SBSPON: variants seen among roughly 807,000 people sequenced by gnomAD.
SBSPON encodes somatomedin-B and thrombospondin type-1 domain-containing protein.
Under a neutral mutation model 35.8 loss-of-function variants are expected in SBSPON, and 30 were observed. The observed-to-expected ratio is 0.84, with a 90% CI of 0.63 to 1.14. The LOEUF (loss-of-function observed/expected upper bound fraction) is 1.14, where lower values mean the gene tolerates loss of function less well. Among genes scored for constraint, SBSPON ranks in the 50% most tolerant of loss-of-function variants. The probability of loss-of-function intolerance (pLI) is 0.00; values close to 1 mark genes in which losing one functional copy is unlikely to be tolerated. For synonymous variants in SBSPON, 136 were observed against 135.9 expected, an observed-to-expected ratio of 1.00 and a Z score of 0.00; for missense variants, 364 against 357.7, an observed-to-expected ratio of 1.02 and a Z score of -0.14.
At chr8:73,090,849 A>G (rs11992993) in intron 1 of SBSPON, among the ~76,000 whole-genome samples, 59,109 of 152,088 alleles carry the variant, frequency 0.39, 13,998 homozygotes, top group African/African-American at 0.67. Context: ...ACAGCAGGCC[A>G]TGTCACCGCT....
At position 73,069,910 on chromosome 8, in the gene SBSPON, CATCT is replaced by C; in HGVS notation, c.568_571del (p.Arg190GlyfsTer20). On this transcript the variant is annotated frameshift_variant, in exon 4 of 5. Coordinates refer to ENST00000297354, the MANE Select transcript of SBSPON (RefSeq NM_153225.4). LOFTEE classifies it high-confidence loss of function. ...GTATCCCTCTCGGAGATACTGCATC[CATCT>C]AGTCAAGGGCCAGTTTTCCAGAGCA... 6.2e-7 allele frequency: 1 copy of C among 1,612,664 alleles called. No individual in the cohort carries two copies. The highest frequency in any genetic ancestry group is 8.5e-7 in the Non-Finnish European group (1 of 1,178,798).
At chr8:73,067,849 AT>A (rs879359979) in intron 4 of SBSPON, among the ~76,000 whole-genome samples, 9 of 144,292 alleles carry the variant, frequency 6.2e-5, no homozygotes, top group South Asian at 4.5e-4. Context: ...CGGTTCCCCA[AT>A]TTTTTTTTTA....
At chr8:73,075,997 G>A (rs889977367) in intron 2 of SBSPON, among the ~76,000 whole-genome samples, 1 of 152,060 alleles carries the variant, frequency 6.6e-6, no homozygotes, top group Admixed American at 6.6e-5. Context: ...AGAGCTTCAG[G>A]GATCATGTTT....
At chr8:73,087,081 G>T (rs373757936) in intron 1 of SBSPON, among the ~76,000 whole-genome samples, 12 of 152,190 alleles carry the variant, frequency 7.9e-5, no homozygotes, top group African/African-American at 2.9e-4. Context: ...CCCTCGAGGA[G>T]CCCTGAGTAG....
chr8:73,070,834 A>G (rs777052663), intron 3 of SBSPON, among the ~76,000 whole-genome samples: 5 of 152,210 alleles, frequency 3.3e-5, no homozygotes, highest in Non-Finnish European at 5.9e-5. Context: ...TTACCCATAC[A>G]ATTATGAGTT....
chr8:73,092,486 C>T (rs1412118691), intron 1 of SBSPON, among the ~76,000 whole-genome samples: 3 of 152,224 alleles, frequency 2.0e-5, no homozygotes, highest in Non-Finnish European at 4.4e-5. Context: ...GGCCCAGGGG[C>T]ATGCCCCTTA....
At chr8:73,082,764 C>T (rs1810734199) in intron 1 of SBSPON, among the ~76,000 whole-genome samples, 1 of 152,102 alleles carries the variant, frequency 6.6e-6, no homozygotes, top group Non-Finnish European at 1.5e-5. Context: ...CCCATCAAAC[C>T]AAAAAGCATT....
chr8:73,073,179 A>C (rs1425877106), intron 2 of SBSPON, among the ~76,000 whole-genome samples: 2 of 152,240 alleles, frequency 1.3e-5, no homozygotes, highest in African/African-American at 2.4e-5. Flanking sequence ...TGAATGAATG[A>C]GGTCATGGGC....
chr8:73,069,669 GTCC>G (rs1353925828), intron 4 of SBSPON, 133 bp downstream of exon 4: 1 of 709,012 alleles, frequency 1.4e-6, no homozygotes, highest in Non-Finnish European at 2.4e-6. Flanking sequence ...CCAGAGGATG[GTCC>G]TCCTCACCTA....
chr8:73,086,036 A>G (rs1206960447), intron 1 of SBSPON, among the ~76,000 whole-genome samples: 1 of 152,214 alleles, frequency 6.6e-6, no homozygotes, highest in Non-Finnish European at 1.5e-5. Flanking sequence ...CCACAGCAGT[A>G]CCCATTTATG....
Position 73,092,923 on chromosome 8 carries a change from T to TC in SBSPON, c.144dup (p.Thr49AspfsTer125), listed in dbSNP as rs766409451. On this transcript the variant is annotated frameshift_variant, in exon 1 of 5. Coordinates refer to ENST00000297354, the MANE Select transcript of SBSPON (RefSeq NM_153225.4). LOFTEE classifies it high-confidence loss of function. ...CGACAGGCTTGGTCGCAGAAACACG[T>TC]CCCGTAGACCCTGTCCAGCCTCCAG... 9.3e-6 allele frequency: 15 copies of TC among 1,610,988 alleles called. No homozygotes were observed. Among genetic ancestry groups the TC allele is most frequent in the Non-Finnish European group, 1.3e-5 (15 of 1,179,232 alleles).
chr8:73,080,081 C>A (rs886572248), intron 2 of SBSPON, among the ~76,000 whole-genome samples: 1 of 152,098 alleles, frequency 6.6e-6, no homozygotes, highest in Non-Finnish European at 1.5e-5. Flanking sequence ...TCTCTGTGAG[C>A]CTTGTATGGT....
At position 73,083,074 on chromosome 8, in the gene SBSPON, C is replaced by G. The variant is rs1346406530; in HGVS notation, c.215-1861G>C. On this transcript the variant is annotated intron_variant, in intron 1 of 4. Transcript: ENST00000297354. ...CACTGGGGAGGGTTTTCTGACTGAA[C>G]TTAGCCTCCCAGGATTCCATCGTCA... 2.0e-5 allele frequency among the ~76,000 whole-genome samples: 3 copies of G among 152,270 alleles called. No individual in the cohort carries two copies. In the South Asian group the frequency reaches 6.2e-4, roughly 32 times the overall value.
In SBSPON at chr8:73,092,854, C is replaced by T. The variant is rs1241996921; in HGVS notation, c.214G>A (p.Ala72Thr). The T allele has an allele frequency of 6.2e-7, 1 of 1,609,830 alleles. No individual in the cohort carries two copies. Among genetic ancestry groups the T allele is most frequent in the East Asian group, 2.2e-5 (1 of 44,558 alleles). The stretch of plus-strand genomic sequence containing the variant: ...CCCCACTCTCGGCCTGACCACCCAC[C>T]TGGGCACGCCCTGTCGTAGTCGAAG... ...CCFDYDRACP[A>T]RPCFVGEWSP... Residue 72 changes from alanine to threonine, a missense_variant and splice_region_variant, in exon 1 of 5, where the codon GCT (alanine) becomes ACT (threonine). By Grantham distance (58) the Ala-to-Thr change is moderately conservative (BLOSUM62 0). Transcript: ENST00000297354.
chr8:73,091,205 C>A (rs148949142), intron 1 of SBSPON, among the ~76,000 whole-genome samples: 1 of 152,326 alleles, frequency 6.6e-6, no homozygotes, highest in Non-Finnish European at 1.5e-5. Flanking sequence ...CTACAGCCTG[C>A]CTCTCTCTCC....
At chr8:73,075,178 C>A (rs1034289726) in intron 2 of SBSPON, among the ~76,000 whole-genome samples, 3 of 152,146 alleles carry the variant, frequency 2.0e-5, no homozygotes, top group African/African-American at 4.8e-5. Flanking sequence ...CTTGGCCCAT[C>A]TGTTTTTCAG....
chr8:73,091,597 C>A (rs979818069), intron 1 of SBSPON, among the ~76,000 whole-genome samples: 2 of 152,134 alleles, frequency 1.3e-5, no homozygotes, highest in African/African-American at 4.8e-5. Context: ...GCTGGAGTTA[C>A]CTGGCTCAAG....
At chr8:73,086,465 A>G (rs906791612) in intron 1 of SBSPON, among the ~76,000 whole-genome samples, 4 of 152,018 alleles carry the variant, frequency 2.6e-5, no homozygotes, top group African/African-American at 4.8e-5. Flanking sequence ...CCCGGCCATC[A>G]TCTTCCTTTC....
intron 2 of SBSPON, among the ~76,000 whole-genome samples, chr8:73,076,024 G>A (rs959098127): frequency 6.6e-6 from 1 of 152,086 alleles, no homozygotes; most frequent in Non-Finnish European, 1.5e-5. Context: ...CTAGCTTCAC[G>A]GGCATTTATA....
Sources: allele counts gnomAD v4.1 joint callset (sites outside exome capture counted in the v4.1 genomes callset), GRCh38; gene constraint gnomAD v4.1.1; transcripts MANE v1.5; gene names NCBI Gene and HGNC (gene_info 2026-07-23, HGNC 2026-07-21).